Variants in ANKIB1 observed in about 807,000 individuals in gnomAD.
ANKIB1 encodes ankyrin repeat and IBR domain-containing protein 1.
Under a neutral mutation model 122.1 loss-of-function variants are expected in ANKIB1, and 43 were observed. The ratio of observed to expected loss-of-function variants is 0.35; its 90% CI spans 0.28 to 0.45. The LOEUF is 0.45. Among genes scored for constraint, ANKIB1 ranks in the 20% least tolerant of loss-of-function variants. ANKIB1 has a pLI of 1.00. For missense variants in ANKIB1, 992 were observed against 1,329.5 expected, an observed-to-expected ratio of 0.75 and a Z score of 3.95; for synonymous variants, 390 against 442.0, an observed-to-expected ratio of 0.88 and a Z score of 1.48.
At chr7:92,269,697 A>G (rs1748847495) in intron 1 of ANKIB1, among the ~76,000 whole-genome samples, 1 of 152,140 alleles carries the variant, frequency 6.6e-6, no homozygotes, top group African/African-American at 2.4e-5. Flanking sequence ...CACCTAAAAT[A>G]TATTGGCTAC....
chr7:92,376,454 T>A (rs1257805708), intron 11 of ANKIB1, among the ~76,000 whole-genome samples: 2 of 147,562 alleles, frequency 1.4e-5, no homozygotes, highest in East Asian at 2.0e-4. Context: ...TATTTTTTAT[T>A]TTTTTTTTTT....
At chr7:92,397,550 A>G (rs956407791) in intron 18 of ANKIB1, among the ~76,000 whole-genome samples, 173 bp from the exon 19 acceptor site, 15 of 152,056 alleles carry the variant, frequency 9.9e-5, no homozygotes, top group Admixed American at 6.6e-4. Context: ...ATTATTCTTC[A>G]TGGTAAGACA....
intron 4 of ANKIB1, among the ~76,000 whole-genome samples, chr7:92,321,120 T>A (rs1041119389): frequency 6.6e-6 from 1 of 152,118 alleles, no homozygotes; most frequent in Non-Finnish European, 1.5e-5. Flanking sequence ...TTAAATTTTT[T>A]ATTAATATTT....
At chr7:92,285,488 G>A (rs1802101536) in intron 1 of ANKIB1, among the ~76,000 whole-genome samples, 1 of 152,192 alleles carries the variant, frequency 6.6e-6, no homozygotes, top group African/African-American at 2.4e-5. Context: ...CTTACAAATT[G>A]TGAAACTCTA....
intron 1 of ANKIB1, among the ~76,000 whole-genome samples, chr7:92,250,086 A>G (rs1801294291): frequency 6.6e-6 from 1 of 152,126 alleles, no homozygotes; most frequent in African/African-American, 2.4e-5. Context: ...GTACTAGTAT[A>G]TCTTGTGTTC....
chr7:92,272,292 G>A (rs1342437142), intron 1 of ANKIB1, among the ~76,000 whole-genome samples: 1 of 152,142 alleles, frequency 6.6e-6, no homozygotes, highest in African/African-American at 2.4e-5. Flanking sequence ...AAATTCCACA[G>A]AGAGCAAAAC....
chr7:92,246,164 T>G lies in ANKIB1; in HGVS notation c.-446T>G, dbSNP rs561343482. ...GCTGCGAGCGCGCAAGGCTGGAACA[T>G]GAGCCGGGCTTGACCGCGAGGCGGA... On this transcript the variant is annotated 5_prime_UTR_variant, in exon 1 of 20. The change abolishes an upstream ATG in the 5' untranslated region. Coordinates refer to ENST00000265742, the MANE Select transcript of ANKIB1 (RefSeq NM_019004.2). The G allele has an allele frequency of 6.7e-5, 22 of 329,004 alleles. No homozygotes were observed. The highest frequency in any genetic ancestry group is 1.6e-4 in the East Asian group (1 of 6,238). The allele number at this position is 329,004 out of a possible 1,614,324, so 20.4% of individuals were successfully genotyped here. A position where few individuals can be genotyped will look rare whatever the true frequency, so the allele number is the denominator to read the frequency against.
intron 1 of ANKIB1, among the ~76,000 whole-genome samples, chr7:92,280,767 C>G (rs776358168): frequency 2.6e-5 from 4 of 152,190 alleles, no homozygotes; most frequent in Non-Finnish European, 5.9e-5. Context: ...CAACTTTTAT[C>G]TCTCATAACA....
chr7:92,383,692 C>G (rs920495790), intron 11 of ANKIB1, among the ~76,000 whole-genome samples: 1 of 152,170 alleles, frequency 6.6e-6, no homozygotes, highest in Admixed American at 6.5e-5. Flanking sequence ...ATTCAACAGC[C>G]CTTTGTGCTA....
chr7:92,293,077 C>T (rs1473749027), intron 1 of ANKIB1, among the ~76,000 whole-genome samples: 4 of 152,166 alleles, frequency 2.6e-5, no homozygotes, highest in Non-Finnish European at 5.9e-5. Flanking sequence ...ATGCCTACCT[C>T]CAGAATAGGC....
chr7:92,387,876 A>G lies in ANKIB1; in HGVS notation c.1831A>G (p.Ser611Gly), dbSNP rs1804694233. The stretch of plus-strand genomic sequence containing the variant: ...TACAAGATTTAAAAACCATGAGCAT[A>G]GTTATCAGGTATGTCCCAAATCATT... The part of the protein sequence containing the change: ...YYTRFKNHEH[S>G]YQLEQRLLKT... The change falls in exon 13 of 20, where the codon AGT (serine) becomes GGT (glycine). Residue 611 changes from serine (S) to glycine (G), a missense_variant. Around this residue, in one of 4 missense-constraint regions of ANKIB1, gnomAD observed 521 missense variants for 777.7 expected, o/e 0.67. Transcript: ENST00000265742. 6.2e-7 allele frequency: 1 copy of G among 1,612,240 alleles called. No individual in the cohort carries two copies. The highest frequency in any genetic ancestry group is 1.1e-5 in the South Asian group (1 of 90,722).
chr7:92,371,946 GA>G (rs1804265297), intron 11 of ANKIB1, among the ~76,000 whole-genome samples: 6 of 144,504 alleles, frequency 4.2e-5, no homozygotes, highest in East Asian at 2.1e-4. Flanking sequence ...AGTCTTGAGA[GA>G]GGGGTGTGTG....
At chr7:92,291,630 G>GCAGTGGCGTGAT (rs1562772868) in intron 1 of ANKIB1, among the ~76,000 whole-genome samples, 1 of 146,906 alleles carries the variant, frequency 6.8e-6, no homozygotes. Flanking sequence ...GGGCTGGAGC[G>GCAGTGGCGTGAT]CAGTGGCGTG....
intron 11 of ANKIB1, among the ~76,000 whole-genome samples, chr7:92,376,215 C>T (rs1447859955): frequency 6.6e-6 from 1 of 152,126 alleles, no homozygotes; most frequent in African/African-American, 2.4e-5. Flanking sequence ...GCTGCATTAT[C>T]CCGTAACAAG....
chr7:92,258,103 A>G (rs932484567), intron 1 of ANKIB1, among the ~76,000 whole-genome samples: 8 of 152,218 alleles, frequency 5.3e-5, no homozygotes, highest in African/African-American at 1.9e-4. Flanking sequence ...TTCTTATAAA[A>G]TAGGAAGAAG....
chr7:92,248,888 C>CTTTTTTT (rs778549860), intron 1 of ANKIB1, among the ~76,000 whole-genome samples: 6 of 123,022 alleles, frequency 4.9e-5, no homozygotes, highest in South Asian at 2.7e-4. Flanking sequence ...TCTTTTCTTT[C>CTTTTTTT]TTTTTTTTTT....
At chr7:92,397,408 C>T (rs1056330973) in intron 18 of ANKIB1, among the ~76,000 whole-genome samples, 6 of 151,824 alleles carry the variant, frequency 4.0e-5, no homozygotes, top group Non-Finnish European at 7.4e-5. Flanking sequence ...ATCGCTTGAA[C>T]CCAGGAGGCA....
At chr7:92,313,257 CT>C in intron 3 of ANKIB1, among the ~76,000 whole-genome samples, 1 of 152,272 alleles carries the variant, frequency 6.6e-6, no homozygotes, top group Non-Finnish European at 1.5e-5. Context: ...GTAAGTCACA[CT>C]TTTCCTTTAC....
At position 92,348,480 on chromosome 7, in the gene ANKIB1, G is replaced by A. The variant is rs191700065; in HGVS notation, c.1086-2470G>A. 2.3e-3 allele frequency among the ~76,000 whole-genome samples: 347 copies of A among 151,726 alleles called. 1 individual carries two copies. The highest frequency in any genetic ancestry group is 4.1e-3 in the Non-Finnish European group (280 of 67,948). ...AGCTCACTGTGACCTCTGCCTCCCG[G>A]GTTCAAGTGATTCTCCTGCCTCAAC... On this transcript the variant is annotated intron_variant, in intron 7 of 19. Coordinates refer to ENST00000265742, the MANE Select transcript of ANKIB1 (RefSeq NM_019004.2).
Sources: allele counts gnomAD v4.1 joint callset (sites outside exome capture counted in the v4.1 genomes callset), GRCh38; gene constraint gnomAD v4.1.1; regional missense constraint gnomAD v4.1.1; transcripts MANE v1.5; gene names NCBI Gene and HGNC (gene_info 2026-07-23, HGNC 2026-07-21).